CDC5L: variants seen among roughly 807,000 people sequenced by gnomAD.
The protein encoded by CDC5L is cell division cycle 5 like.
Under a neutral mutation model 104.1 loss-of-function variants are expected in CDC5L, and 18 were observed. The ratio of observed to expected loss-of-function variants is 0.17; its 90% CI spans 0.12 to 0.26. The LOEUF (loss-of-function observed/expected upper bound fraction) is 0.26, where lower values mean the gene tolerates loss of function less well. Among genes scored for constraint, CDC5L ranks in the 10% least tolerant of loss-of-function variants. CDC5L has a pLI of 1.00. For synonymous variants in CDC5L, 331 were observed against 322.7 expected (o/e 1.03, Z -0.28); for missense variants, 673 against 956.9 (o/e 0.70, Z 3.91).
At position 44,449,029 on chromosome 6, in the gene CDC5L, CAGGT is replaced by C. The variant is rs1285861804; in HGVS notation, c.*2321_*2324del. The C allele has an allele frequency of 6.6e-6, 1 of 152,124 alleles. No homozygotes were observed. The highest frequency in any genetic ancestry group is 1.9e-4 in the East Asian group (1 of 5,202). 9.4% of individuals were successfully genotyped at this position (152,124 alleles called of 1,614,324 possible). On this transcript the variant is annotated 3_prime_UTR_variant, in exon 16 of 16. Coordinates refer to ENST00000371477, the MANE Select transcript of CDC5L (RefSeq NM_001253.4). ...TAAATCATCTTTGCACTCCTGGAAT[CAGGT>C]AGATTAATTTTTAAAAGAAATTTTA...
intron 4 of CDC5L, among the ~76,000 whole-genome samples, chr6:44,394,855 CAAAAAAAAAAAAAAAAAAAAAA>C (rs60864045): frequency 1.7e-5 from 1 of 59,064 alleles, no homozygotes; most frequent in Non-Finnish European, 3.0e-5. Flanking sequence ...GACCCTGTCT[CAAAAAAAAAAAAAAAAAAAAAA>C]AAAAAAAATG....
chr6:44,441,731 A>G (rs1473760543), intron 14 of CDC5L, among the ~76,000 whole-genome samples: 4 of 152,016 alleles, frequency 2.6e-5, no homozygotes, highest in South Asian at 2.1e-4. Flanking sequence ...CATTTTTTTC[A>G]TGTACCTGTT....
At chr6:44,392,480 A>C (rs1424021368) in intron 2 of CDC5L, among the ~76,000 whole-genome samples, 187 bp from the exon 3 acceptor site, 1 of 152,256 alleles carries the variant, frequency 6.6e-6, no homozygotes, top group African/African-American at 2.4e-5. Context: ...TAATTAAAAT[A>C]AAATAGAATG....
At chr6:44,406,928 T>C (rs1313407844) in intron 7 of CDC5L, among the ~76,000 whole-genome samples, 2 of 149,914 alleles carry the variant, frequency 1.3e-5, no homozygotes, top group Non-Finnish European at 3.0e-5. Context: ...ACAACAACAA[T>C]AACAAAAAAA....
chr6:44,419,451 A>G lies in CDC5L; in HGVS notation c.1095A>G (p.Glu365=), dbSNP rs1287035710. 1 of 1,612,152 alleles carries G rather than the reference A, an allele frequency of 6.2e-7. No homozygotes were observed. The highest frequency in any genetic ancestry group is 1.7e-5 in the Admixed American group (1 of 59,452). Residue 365 remains glutamate (E), a splice_region_variant and synonymous_variant, in exon 9 of 16, where the codon GAA becomes GAG. Transcript: ENST00000371477. ...TTCTTTGTCTTCTTGTTAATCAGGA[A>G]GCCCAGAACCTCATGGCCCTCACCA... ...TPASQDRILQ[E]AQNLMALTNV...
chr6:44,406,599 GAC>G lies in CDC5L; in HGVS notation c.903+138_903+139del. 3.7e-6 allele frequency: 3 copies of G among 807,344 alleles called. No homozygotes were observed. In the South Asian group the frequency reaches 4.9e-5, roughly 13 times the overall value. 50.0% of individuals were successfully genotyped at this position (807,344 alleles called of 1,614,324 possible). On this transcript the variant is annotated intron_variant, in intron 7 of 15. Transcript: ENST00000371477. ...AAGAAATTCACAGTTTAATGGGTGA[GAC>G]ACACATAAAAACAAGTAATTGTGGG...
intron 10 of CDC5L, among the ~76,000 whole-genome samples, chr6:44,423,375 G>T (rs1282732645): frequency 1.3e-5 from 2 of 152,154 alleles, no homozygotes; most frequent in Non-Finnish European, 2.9e-5. Flanking sequence ...CATTTGAGGG[G>T]ATCTAAAGTT....
At chr6:44,407,412 C>T (rs561557013) in intron 7 of CDC5L, among the ~76,000 whole-genome samples, 7 of 152,144 alleles carry the variant, frequency 4.6e-5, no homozygotes, top group African/African-American at 1.7e-4. Flanking sequence ...CTGCAACCTC[C>T]GCCTTCCGCG....
chr6:44,407,232 G>A (rs999035195), intron 7 of CDC5L, among the ~76,000 whole-genome samples: 2 of 152,110 alleles, frequency 1.3e-5, no homozygotes, highest in Non-Finnish European at 2.9e-5. Context: ...TGGGAGTTGT[G>A]GAGAAAAGCG....
chr6:44,426,076 A>G (rs1581656360), intron 11 of CDC5L, 27 bp from the exon 12 acceptor site: 2 of 1,496,136 alleles, frequency 1.3e-6, no homozygotes, highest in Non-Finnish European at 1.8e-6. Context: ...TATAGCTGCA[A>G]TAAAGGATAT....
intron 9 of CDC5L, 77 bp downstream of exon 9, chr6:44,419,674 A>G: frequency 9.6e-7 from 1 of 1,042,588 alleles, no homozygotes; most frequent in Non-Finnish European, 1.5e-6. Context: ...AGTAATGTTT[A>G]CGGAGAATGA....
chr6:44,403,637 T>G (rs984250178), intron 5 of CDC5L, among the ~76,000 whole-genome samples, 172 bp from the exon 6 acceptor site: 1 of 152,204 alleles, frequency 6.6e-6, no homozygotes, highest in Non-Finnish European at 1.5e-5. Context: ...TGTGTATGTG[T>G]GTGTGCACCT....
chr6:44,401,564 G>A (rs1791126237), intron 5 of CDC5L, among the ~76,000 whole-genome samples: 1 of 152,152 alleles, frequency 6.6e-6, no homozygotes, highest in South Asian at 2.1e-4. Context: ...CACTTGTGTG[G>A]AGTGGAATCT....
At chr6:44,425,803 G>T (rs1009339092) in intron 11 of CDC5L, among the ~76,000 whole-genome samples, 2 of 152,024 alleles carry the variant, frequency 1.3e-5, no homozygotes, top group African/African-American at 2.4e-5. Context: ...TTTGTCGTGG[G>T]AGTCTCTTTG....
At chr6:44,391,800 G>A (rs540662140) in intron 2 of CDC5L, among the ~76,000 whole-genome samples, 1 of 152,146 alleles carries the variant, frequency 6.6e-6, no homozygotes, top group Non-Finnish European at 1.5e-5. Context: ...GAGGTCAGGA[G>A]TTTGAGACCA....
intron 14 of CDC5L, among the ~76,000 whole-genome samples, chr6:44,430,726 C>T (rs1334585525): frequency 6.6e-6 from 1 of 151,994 alleles, no homozygotes; most frequent in Non-Finnish European, 1.5e-5. Flanking sequence ...GCACGCCCCA[C>T]CACGCCCAGT....
At chr6:44,436,839 C>T (rs1165405139) in intron 14 of CDC5L, among the ~76,000 whole-genome samples, 1 of 152,120 alleles carries the variant, frequency 6.6e-6, no homozygotes, top group Non-Finnish European at 1.5e-5. Context: ...TCTTAATTTC[C>T]TGCTTTGAAT....
At chr6:44,401,676 T>A (rs142793522) in intron 5 of CDC5L, among the ~76,000 whole-genome samples, 3,670 of 151,846 alleles carry the variant, frequency 0.024, 152 homozygotes, top group African/African-American at 0.083. Flanking sequence ...TATTATACTT[T>A]AAGTTTTAGG....
intron 5 of CDC5L, among the ~76,000 whole-genome samples, chr6:44,397,294 T>C (rs560046802): frequency 3.3e-5 from 5 of 152,344 alleles, no homozygotes; most frequent in African/African-American, 1.2e-4. Context: ...TATTTCACAA[T>C]GTGTGCTTGT....
Sources: allele counts gnomAD v4.1 joint callset (sites outside exome capture counted in the v4.1 genomes callset), GRCh38; gene constraint gnomAD v4.1.1; transcripts MANE v1.5; gene names NCBI Gene and HGNC (gene_info 2026-07-23, HGNC 2026-07-21).